Variants in PCDHGB5 observed in about 807,000 individuals in gnomAD.
The protein encoded by PCDHGB5 is protocadherin gamma subfamily B, 5.
A neutral mutation model predicts 62.9 loss-of-function variants in PCDHGB5; 48 were observed. The ratio of observed to expected loss-of-function variants is 0.76; its 90% CI spans 0.61 to 0.97. PCDHGB5 has a LOEUF of 0.97. PCDHGB5 is among the 50% of genes least tolerant of loss of function. PCDHGB5 has a pLI of 0.00. For missense variants in PCDHGB5, 1,118 were observed against 1,198.6 expected (o/e 0.93, Z 0.99); for synonymous variants, 474 against 511.2 (o/e 0.93, Z 0.98).
At position 141,404,066 on chromosome 5, in the gene PCDHGB5, C is replaced by G. The variant is rs745515085; in HGVS notation, c.2397+3542C>G. The G allele has an allele frequency of 3.1e-6, 5 of 1,613,776 alleles. No individual in the cohort carries two copies. The East Asian group carries it at 8.9e-5, about 29-fold the overall frequency. On this transcript the variant is annotated intron_variant, in intron 1 of 3. Transcript: ENST00000617380. ...AACAGTAATTCTTCTTTTCAATGCT[C>G]ATGACCGAGACTCCGGGAAGAATGG...
At chr5:141,412,729 T>C (rs1411212101) in intron 1 of PCDHGB5, 1 of 153,332 alleles carries the variant, frequency 6.5e-6, no homozygotes, top group Non-Finnish European at 1.5e-5. Flanking sequence ...GAAAACGTGT[T>C]GCAAATATAT....
intron 1 of PCDHGB5, chr5:141,422,919 G>A (rs1445179310): frequency 3.7e-6 from 6 of 1,614,238 alleles, no homozygotes; most frequent in Non-Finnish European, 5.1e-6. Flanking sequence ...CCGAGATCCT[G>A]TACCCTGCCC....
At chr5:141,430,405 A>T (rs1163049877) in intron 1 of PCDHGB5, among the ~76,000 whole-genome samples, 1 of 152,124 alleles carries the variant, frequency 6.6e-6, no homozygotes, top group Non-Finnish European at 1.5e-5. Flanking sequence ...AAGCTCACTA[A>T]AGTTTCTATT....
At chr5:141,510,653 T>G (rs1388568365) in intron 3 of PCDHGB5, among the ~76,000 whole-genome samples, 1 of 152,184 alleles carries the variant, frequency 6.6e-6, no homozygotes, top group Non-Finnish European at 1.5e-5. Context: ...ATCCCCATTT[T>G]GCAGATGAGA....
chr5:141,465,997 C>T (rs1344380021), intron 1 of PCDHGB5, among the ~76,000 whole-genome samples: 1 of 151,918 alleles, frequency 6.6e-6, no homozygotes, highest in Non-Finnish European at 1.5e-5. Context: ...TGGCAGGCAC[C>T]TGTAGTCCCA....
intron 1 of PCDHGB5, among the ~76,000 whole-genome samples, chr5:141,439,341 G>A (rs1464427300): frequency 6.6e-6 from 1 of 152,166 alleles, no homozygotes; most frequent in East Asian, 1.9e-4. Context: ...AAGATTCTAA[G>A]CCTACAAATA....
At chr5:141,482,572 T>C (rs1367788391) in intron 1 of PCDHGB5, among the ~76,000 whole-genome samples, 1 of 137,636 alleles carries the variant, frequency 7.3e-6, no homozygotes, top group Admixed American at 7.3e-5. Context: ...CTGCATAGCA[T>C]AAGATGCAGT....
chr5:141,438,619 TATATATATATATATATACACAC>T (rs1408639052), intron 1 of PCDHGB5, among the ~76,000 whole-genome samples: 61 of 39,666 alleles, frequency 1.5e-3, no homozygotes, highest in African/African-American at 9.2e-3. Context: ...TATATATATA[TATATATATATATATATACACAC>T]ACACACACAC....
intron 1 of PCDHGB5, chr5:141,403,999 T>C (rs1399272947): frequency 3.1e-6 from 5 of 1,613,898 alleles, no homozygotes; most frequent in Non-Finnish European, 4.2e-6. Context: ...AAGTGACCAT[T>C]ACATCTCTGT....
chr5:141,498,578 G>T (rs1404493166), intron 2 of PCDHGB5, among the ~76,000 whole-genome samples: 1 of 152,048 alleles, frequency 6.6e-6, no homozygotes, highest in African/African-American at 2.4e-5. Flanking sequence ...CTAGTATTGA[G>T]TTCTTCAGTA....
intron 1 of PCDHGB5, among the ~76,000 whole-genome samples, chr5:141,466,916 GT>G (rs1204028461): frequency 6.6e-6 from 1 of 152,010 alleles, no homozygotes; most frequent in Non-Finnish European, 1.5e-5. Context: ...AAAACTCCTT[GT>G]ATTAGGAATA....
chr5:141,511,695 C>T lies in PCDHGB5; in HGVS notation c.*522C>T, dbSNP rs1009832192. 1 of 195,662 alleles carries T rather than the reference C, an allele frequency of 5.1e-6. No individual in the cohort carries two copies. Among genetic ancestry groups the T allele is most frequent in the Non-Finnish European group, 1.1e-5 (1 of 92,626 alleles). The allele number at this position is 195,662 out of a possible 1,614,324, so 12.1% of individuals were successfully genotyped here. On this transcript the variant is annotated 3_prime_UTR_variant, in exon 4 of 4. Coordinates refer to ENST00000617380, the MANE Select transcript of PCDHGB5 (RefSeq NM_018925.3). ...CTTCCCCCAAAGCATGGTTTGGTGC[C>T]AGCCCCTTCACCTCCTTCCAGAGCC...
chr5:141,506,262 A>G (rs1395369571), intron 3 of PCDHGB5, among the ~76,000 whole-genome samples: 1 of 152,046 alleles, frequency 6.6e-6, no homozygotes, highest in Admixed American at 6.6e-5. Context: ...CGGCCTGGCC[A>G]ACATAGTGAA....
chr5:141,489,867 G>C lies in PCDHGB5; in HGVS notation c.2398-4940G>C. ...ATCGTGAAGCCCAGGCAAGACATCA[G>C]CTGGTGCTTACTGCTGTGGATGGGG... On this transcript the variant is annotated intron_variant, in intron 1 of 3. Transcript: ENST00000617380. This position sits in a 1 kb window ranked among gnomAD's most constrained non-coding sequence, Gnocchi z 4.5. 1 of 1,614,240 alleles carries C rather than the reference G, an allele frequency of 6.2e-7. No individual in the cohort carries two copies. Among genetic ancestry groups the C allele is most frequent in the Non-Finnish European group, 8.5e-7 (1 of 1,180,034 alleles).
chr5:141,496,621 CA>C (rs2099769988), intron 2 of PCDHGB5, among the ~76,000 whole-genome samples: 1 of 152,332 alleles, frequency 6.6e-6, no homozygotes, highest in Non-Finnish European at 1.5e-5. Flanking sequence ...AGCAGCAGAT[CA>C]AAAGGCTTGG....
intron 1 of PCDHGB5, among the ~76,000 whole-genome samples, chr5:141,434,742 G>A (rs1177333213): frequency 6.6e-6 from 1 of 151,500 alleles, no homozygotes; most frequent in Non-Finnish European, 1.5e-5. Context: ...TGAAGGCTAT[G>A]AGACCCCTGA....
chr5:141,407,601 A>G (rs886898088), intron 1 of PCDHGB5, among the ~76,000 whole-genome samples: 3 of 152,168 alleles, frequency 2.0e-5, no homozygotes, highest in African/African-American at 7.2e-5. Flanking sequence ...CATCTTAAAA[A>G]GAAGCATTGG....
intron 1 of PCDHGB5, among the ~76,000 whole-genome samples, chr5:141,469,667 T>C (rs62379201): frequency 0.22 from 32,952 of 152,218 alleles, 3,707 homozygotes; most frequent in African/African-American, 0.28. Flanking sequence ...CTTGTTCTAA[T>C]AAAACTACAT....
At chr5:141,417,602 C>T (rs556223277) in intron 1 of PCDHGB5, 2 of 510,170 alleles carry the variant, frequency 3.9e-6, no homozygotes, top group Admixed American at 3.8e-5. Context: ...TGGGCGCCGC[C>T]GTCGGCCAGT....
Sources: gnomAD v4.1 joint callset for allele counts (sites outside exome capture counted in the v4.1 genomes callset) on GRCh38, gnomAD v4.1.1 for gene constraint, Gnocchi (gnomAD v3.1) non-coding constraint, MANE v1.5 for transcripts, NCBI Gene and HGNC (gene_info 2026-07-23, HGNC 2026-07-21) for gene names.